Variants in NRN1 observed in about 807,000 individuals in gnomAD.
NRN1 encodes the protein neuritin 1.
A neutral mutation model predicts 15.0 loss-of-function variants in NRN1; 4 were observed. The observed-to-expected ratio is 0.27, with a 90% CI of 0.13 to 0.61. NRN1 has a LOEUF of 0.61. Among genes scored for constraint, NRN1 ranks in the 20% least tolerant of loss-of-function variants. NRN1 has a pLI of 0.87. For synonymous variants in NRN1, 85 were observed against 79.8 expected, an observed-to-expected ratio of 1.07 and a Z score of -0.35; for missense variants, 134 against 181.9, an observed-to-expected ratio of 0.74 and a Z score of 1.51.
At chr6:6,001,630 GA>G (rs1164651952) in intron 2 of NRN1, among the ~76,000 whole-genome samples, 1 of 152,206 alleles carries the variant, frequency 6.6e-6, no homozygotes, top group Non-Finnish European at 1.5e-5. Context: ...GGGAAACAAG[GA>G]GAGTGCCTAT....
chr6:6,006,166 G>T (rs889052130), intron 1 of NRN1, among the ~76,000 whole-genome samples: 1 of 152,098 alleles, frequency 6.6e-6, no homozygotes, highest in East Asian at 1.9e-4. Context: ...CCGGGTCTGC[G>T]GTGCCCGTGC....
At chr6:5,999,444 G>C (rs1472476201) in intron 2 of NRN1, among the ~76,000 whole-genome samples, 1 of 152,236 alleles carries the variant, frequency 6.6e-6, no homozygotes, top group Non-Finnish European at 1.5e-5. Context: ...CTCCTGTCTG[G>C]TTTTCCCTTC....
intron 1 of NRN1, chr6:6,003,754 A>G: frequency 8.1e-7 from 1 of 1,234,198 alleles, no homozygotes; most frequent in African/African-American, 1.5e-5. Flanking sequence ...GAGGCCGACG[A>G]ACCCGGCTGG....
chr6:6,006,603 C>A, intron 1 of NRN1, 92 bp downstream of exon 1: 1 of 1,220,060 alleles, frequency 8.2e-7, no homozygotes, highest in Middle Eastern at 2.6e-4. Context: ...CACCCTGGGG[C>A]GGCCGCGGAC....
rs539192681 is a variant in NRN1 at position 6,006,708 on chromosome 6, G to A, written c.42C>T (p.Leu14=). ...KLNGRYISLI[L]AVQIAYLVQA... ...GCGGCCACTTACCTATTTGCACCGC[G>A]AGGATCAGTGAAATATATCTGCCGT... Residue 14 remains leucine (L), a synonymous_variant, in exon 1 of 3, where the codon CTC becomes CTT. Coordinates refer to ENST00000244766, the MANE Select transcript of NRN1 (RefSeq NM_016588.3). 119 of 1,614,092 alleles carry A rather than the reference G, an allele frequency of 7.4e-5. No homozygotes were observed. In the East Asian group the frequency reaches 2.4e-3, roughly 33 times the overall value.
At chr6:6,001,134 G>A (rs1184824917) in intron 2 of NRN1, among the ~76,000 whole-genome samples, 2 of 152,180 alleles carry the variant, frequency 1.3e-5, no homozygotes, top group African/African-American at 4.8e-5. Flanking sequence ...ATGGCTCCTA[G>A]TAGGCACTGG....
chr6:6,005,760 G>A (rs1758096053), intron 1 of NRN1, among the ~76,000 whole-genome samples: 1 of 152,134 alleles, frequency 6.6e-6, no homozygotes. Flanking sequence ...TTTAGGCCAC[G>A]TTAATTAATG....
intron 1 of NRN1, 102 bp from the exon 2 acceptor site, chr6:6,002,599 G>A (rs934170888): frequency 2.8e-5 from 42 of 1,475,166 alleles, no homozygotes; most frequent in Non-Finnish European, 2.5e-5. Context: ...TCATCGCATC[G>A]GGCGGCCTCT....
chr6:6,003,649 C>G (rs1156739370), intron 1 of NRN1: 3 of 1,165,124 alleles, frequency 2.6e-6, no homozygotes, highest in East Asian at 6.4e-5. Flanking sequence ...AGCCCCCAAG[C>G]CCCCGGCCTC....
At chr6:6,007,281 TCCCTTCCCCG>T (rs1758135472), upstream of NRN1, among the ~76,000 whole-genome samples, 2 of 149,014 alleles carry the variant, frequency 1.3e-5, no homozygotes, top group South Asian at 4.4e-4. Context: ...GGGCTCCCCC[TCCCTTCCCCG>T]CCAGGAGCTG....
In NRN1 at chr6:5,998,859, G is replaced by A; in HGVS notation, c.*117C>T. 1 of 681,074 alleles carries A rather than the reference G, an allele frequency of 1.5e-6. No individual in the cohort carries two copies. Among genetic ancestry groups the A allele is most frequent in the Non-Finnish European group, 2.5e-6 (1 of 400,386 alleles). The allele number at this position is 681,074 out of a possible 1,614,324, so 42.2% of individuals were successfully genotyped here. A position where few individuals can be genotyped will look rare whatever the true frequency, so the allele number is the denominator to read the frequency against. On this transcript the variant is annotated 3_prime_UTR_variant, in exon 3 of 3. Transcript: ENST00000244766. ...CAGGATTTCCCACAATCCTATATGAGTGTTTTCAGCATCACAGAGAATCAC... is the reference window on the plus strand; with the variant it reads ...CAGGATTTCCCACAATCCTATATGAATGTTTTCAGCATCACAGAGAATCAC...
At chr6:6,003,994 T>G in intron 1 of NRN1, 3 of 1,213,030 alleles carry the variant, frequency 2.5e-6, no homozygotes, top group Non-Finnish European at 3.1e-6. Context: ...CGCGGGCGCC[T>G]GTCCGCGAGC....
chr6:6,001,433 G>A (rs958506379), intron 2 of NRN1, among the ~76,000 whole-genome samples: 1 of 152,180 alleles, frequency 6.6e-6, no homozygotes, highest in African/African-American at 2.4e-5. Context: ...AAGGTCTGCA[G>A]CAGCTAGATT....
Position 5,998,863 on chromosome 6 carries a change from T to C in NRN1, c.*113A>G. On this transcript the variant is annotated 3_prime_UTR_variant, in exon 3 of 3. Transcript: ENST00000244766. ...ATTTCCCACAATCCTATATGAGTGT[T>C]TTCAGCATCACAGAGAATCACAACG... is the stretch of plus-strand genomic sequence containing the variant. 1.4e-6 allele frequency: 1 copy of C among 704,718 alleles called. No individual in the cohort carries two copies. Among genetic ancestry groups the C allele is most frequent in the Non-Finnish European group, 2.4e-6 (1 of 419,958 alleles). 43.7% of individuals were successfully genotyped at this position (704,718 alleles called of 1,614,324 possible).
intron 2 of NRN1, among the ~76,000 whole-genome samples, chr6:6,001,933 A>T (rs1757957544): frequency 6.6e-6 from 1 of 152,250 alleles, no homozygotes; most frequent in Non-Finnish European, 1.5e-5. Context: ...TTCTTCAGAG[A>T]ACACCTGGCA....
intron 1 of NRN1, chr6:6,004,004 C>T: frequency 8.3e-7 from 1 of 1,208,812 alleles, no homozygotes; most frequent in African/African-American, 1.6e-5. Flanking sequence ...TGTCCGCGAG[C>T]GCCGGGCCAG....
chr6:6,004,063 C>A, intron 1 of NRN1: 14 of 1,139,078 alleles, frequency 1.2e-5, no homozygotes, highest in Non-Finnish European at 1.5e-5. Context: ...CGAGAGCGTA[C>A]CCGTTTGCAA....
At chr6:6,004,828 A>T (rs569023178) in intron 1 of NRN1, among the ~76,000 whole-genome samples, 1 of 151,760 alleles carries the variant, frequency 6.6e-6, no homozygotes, top group South Asian at 2.1e-4. Context: ...TGCGGTTTCC[A>T]TCCGTTCATT....
At chr6:6,001,490 G>A (rs1350337877) in intron 2 of NRN1, among the ~76,000 whole-genome samples, 1 of 152,146 alleles carries the variant, frequency 6.6e-6, no homozygotes, top group African/African-American at 2.4e-5. Context: ...CTTATTGCTC[G>A]TGGGAGCAGT....
Sources: allele counts gnomAD v4.1 joint callset (sites outside exome capture counted in the v4.1 genomes callset), GRCh38; gene constraint gnomAD v4.1.1; transcripts MANE v1.5; gene names NCBI Gene and HGNC (gene_info 2026-07-23, HGNC 2026-07-21).